Variants in KLHL8 observed in about 807,000 individuals in gnomAD.
The protein encoded by KLHL8 is kelch like family member 8.
KLHL8 carries 38 observed loss-of-function variants against 63.5 expected under a neutral mutation model. The ratio of observed to expected loss-of-function variants is 0.60; its 90% CI spans 0.46 to 0.78. KLHL8 has a LOEUF of 0.78. Among genes scored for constraint, KLHL8 ranks in the 30% least tolerant of loss-of-function variants. The pLI is 0.00. For synonymous variants in KLHL8, 224 were observed against 254.3 expected (o/e 0.88, Z 1.13); for missense variants, 566 against 752.4 (o/e 0.75, Z 2.90).
At chr4:87,170,351 A>G in intron 7 of KLHL8, 96 bp downstream of exon 7, 1 of 1,425,846 alleles carries the variant, frequency 7.0e-7, no homozygotes, top group Non-Finnish European at 9.6e-7. Context: ...ATGATATATA[A>G]TATCTTCATA....
At chr4:87,198,257 T>G (rs1372581498) in intron 1 of KLHL8, among the ~76,000 whole-genome samples, 1 of 151,964 alleles carries the variant, frequency 6.6e-6, no homozygotes, top group Non-Finnish European at 1.5e-5. Context: ...GAGGCGGAGG[T>G]TGCAGTGAGC....
At chr4:87,165,998 A>C (rs570909627) in intron 8 of KLHL8, among the ~76,000 whole-genome samples, 1 of 152,344 alleles carries the variant, frequency 6.6e-6, no homozygotes, top group African/African-American at 2.4e-5. Flanking sequence ...AGTAACAGCA[A>C]CAATGTTATT....
intron 6 of KLHL8, 117 bp downstream of exon 6, chr4:87,176,640 G>A: frequency 1.6e-6 from 1 of 632,978 alleles, no homozygotes; most frequent in Non-Finnish European, 2.7e-6. Context: ...AACAAAATGT[G>A]TTTGAGAAGG....
At chr4:87,231,056 G>A (rs948170483) in intron 1 of KLHL8, among the ~76,000 whole-genome samples, 1 of 152,124 alleles carries the variant, frequency 6.6e-6, no homozygotes, top group Non-Finnish European at 1.5e-5. Flanking sequence ...CAGCAGGCTA[G>A]AAGTACTGAG....
chr4:87,230,535 C>T (rs773379955), intron 1 of KLHL8, among the ~76,000 whole-genome samples: 12 of 152,190 alleles, frequency 7.9e-5, no homozygotes, highest in South Asian at 4.1e-4. Flanking sequence ...AAGAATTCCA[C>T]GTATGACCTA....
chr4:87,223,125 GTTTGT>G (rs397817772), upstream of KLHL8, among the ~76,000 whole-genome samples: 997 of 147,824 alleles, frequency 6.7e-3, 8 homozygotes, highest in African/African-American at 0.02. Context: ...TAATTTTTTT[GTTTGT>G]TTTGTTTTGT....
At chr4:87,173,753 T>A (rs1417184925) in intron 6 of KLHL8, among the ~76,000 whole-genome samples, 1 of 152,186 alleles carries the variant, frequency 6.6e-6, no homozygotes, top group Non-Finnish European at 1.5e-5. Flanking sequence ...AAAACCAACA[T>A]AGTAACAGGG....
chr4:87,206,290 C>T (rs1732129923), intron 1 of KLHL8, among the ~76,000 whole-genome samples: 2 of 152,200 alleles, frequency 1.3e-5, no homozygotes, highest in African/African-American at 2.4e-5. Flanking sequence ...AAACATCTCT[C>T]AAGGATTAGA....
rs143771552 is a variant in KLHL8, at chr4:87,203,270, G to GCTT, written c.-151-7581_-151-7580insAAG. On this transcript the variant is annotated intron_variant, in intron 1 of 9. Transcript: ENST00000273963. ...AAGGTGAACATGGCTGAGCACAGTG[G>GCTT]CTCACACCTGTAATCCCAGCACTTT... Among the ~76,000 whole-genome samples, 453 of 152,120 alleles carry GCTT rather than the reference G, an allele frequency of 3.0e-3. 17 individuals are homozygous for GCTT. In the East Asian group the frequency reaches 0.066, roughly 22 times the overall value.
chr4:87,226,796 TATATA>T (rs1733008238), intron 1 of KLHL8, among the ~76,000 whole-genome samples: 1 of 12,540 alleles, frequency 8.0e-5, no homozygotes, highest in Non-Finnish European at 1.2e-4. Context: ...ATATATATTA[TATATA>T]ATATATATTA....
chr4:87,201,788 A>G (rs957268393), intron 1 of KLHL8, among the ~76,000 whole-genome samples: 4 of 152,254 alleles, frequency 2.6e-5, no homozygotes, highest in African/African-American at 9.6e-5. Context: ...TGGAGCAAAG[A>G]GGAAGTCCTA....
At chr4:87,182,190 G>A (rs887572849) in intron 4 of KLHL8, among the ~76,000 whole-genome samples, 14 of 130,164 alleles carry the variant, frequency 1.1e-4, no homozygotes, top group Admixed American at 1.9e-4. Flanking sequence ...CCGAGATCGC[G>A]CCACTGCACT....
At chr4:87,203,924 T>C (rs1263503724) in intron 1 of KLHL8, among the ~76,000 whole-genome samples, 4 of 152,050 alleles carry the variant, frequency 2.6e-5, no homozygotes, top group African/African-American at 9.7e-5. Context: ...ATCCCAAATA[T>C]ATAAAACTTT....
upstream of KLHL8, chr4:87,221,281 G>C (rs1270251559): frequency 6.6e-6 from 1 of 151,642 alleles, no homozygotes; most frequent in Non-Finnish European, 1.5e-5. Context: ...ACCAATCCCA[G>C]CTATTCGCAA....
At chr4:87,193,526 T>C (rs1731573287) in intron 2 of KLHL8, among the ~76,000 whole-genome samples, 1 of 152,250 alleles carries the variant, frequency 6.6e-6, no homozygotes, top group South Asian at 2.1e-4. Flanking sequence ...CTGCAATTTT[T>C]TTCTTTTTTT....
chr4:87,172,210 G>A (rs746844558), intron 6 of KLHL8, among the ~76,000 whole-genome samples: 7 of 152,160 alleles, frequency 4.6e-5, no homozygotes, highest in Non-Finnish European at 8.8e-5. Flanking sequence ...GAAGGTGGGG[G>A]GGAACATGTG....
intron 6 of KLHL8, among the ~76,000 whole-genome samples, chr4:87,174,325 C>A (rs887125984): frequency 6.6e-6 from 1 of 151,342 alleles, no homozygotes; most frequent in Non-Finnish European, 1.5e-5. Context: ...GTCATCCAGA[C>A]TGGAGTGCAA....
intron 1 of KLHL8, among the ~76,000 whole-genome samples, chr4:87,197,090 G>A (rs1011793871): frequency 6.6e-6 from 1 of 152,180 alleles, no homozygotes; most frequent in African/African-American, 2.4e-5. Context: ...TAAGGTTATA[G>A]ATTACAGTTA....
At chr4:87,184,113 G>A (rs1731159811) in intron 3 of KLHL8, among the ~76,000 whole-genome samples, 1 of 152,124 alleles carries the variant, frequency 6.6e-6, no homozygotes, top group South Asian at 2.1e-4. Context: ...TGTATCTATT[G>A]TTATGGCCCC....
Sources: allele counts gnomAD v4.1 joint callset (sites outside exome capture counted in the v4.1 genomes callset), GRCh38; gene constraint gnomAD v4.1.1; transcripts MANE v1.5; gene names NCBI Gene and HGNC (gene_info 2026-07-23, HGNC 2026-07-21).